XYLT1: variants seen among roughly 807,000 people sequenced by gnomAD.
XYLT1 encodes the protein xylosyltransferase 1.
Under a neutral mutation model 91.3 loss-of-function variants are expected in XYLT1, and 36 were observed. That is an observed-to-expected ratio of 0.39 (90% CI 0.30 to 0.52). The LOEUF (loss-of-function observed/expected upper bound fraction) is 0.52. XYLT1 is among the 20% of genes least tolerant of loss of function. The pLI, the probability that XYLT1 is intolerant of heterozygous loss-of-function variation, is 0.68. For synonymous variants in XYLT1, 588 were observed against 532.0 expected, an observed-to-expected ratio of 1.11 and a Z score of -1.45; for missense variants, 1,242 against 1,284.5, an observed-to-expected ratio of 0.97 and a Z score of 0.51.
chr16:17,124,346 T>C (rs1378137243), intron 10 of XYLT1, among the ~76,000 whole-genome samples: 1 of 152,210 alleles, frequency 6.6e-6, no homozygotes, highest in East Asian at 1.9e-4. Context: ...TTAGCATTTT[T>C]CTGAAAAAAC....
At chr16:17,271,385 GAC>G (rs1054833951) in intron 2 of XYLT1, among the ~76,000 whole-genome samples, 19 of 151,930 alleles carry the variant, frequency 1.3e-4, no homozygotes, top group African/African-American at 4.1e-4. Flanking sequence ...CAAAGAGAGA[GAC>G]ACAGAGAGAA....
chr16:17,277,579 G>T (rs1368653647), intron 2 of XYLT1, among the ~76,000 whole-genome samples: 1 of 151,958 alleles, frequency 6.6e-6, no homozygotes, highest in Admixed American at 6.6e-5. Flanking sequence ...TAGTAGAGAC[G>T]GGGTTTCACC....
intron 6 of XYLT1, among the ~76,000 whole-genome samples, chr16:17,142,837 T>C (rs907054588): frequency 6.6e-6 from 1 of 152,170 alleles, no homozygotes; most frequent in African/African-American, 2.4e-5. Flanking sequence ...TGATTCCTAC[T>C]GGTGACCGAG....
intron 6 of XYLT1, among the ~76,000 whole-genome samples, chr16:17,144,502 G>C (rs570560630): frequency 5.9e-5 from 9 of 152,326 alleles, no homozygotes; most frequent in African/African-American, 2.2e-4. Flanking sequence ...GGTGGTCAGG[G>C]ATGGCGTCAT....
At chr16:17,374,834 C>A (rs1003438439) in intron 1 of XYLT1, among the ~76,000 whole-genome samples, 1 of 152,152 alleles carries the variant, frequency 6.6e-6, no homozygotes, top group Non-Finnish European at 1.5e-5. Context: ...CCCCCCACCA[C>A]CTCCCACACA....
At chr16:17,136,929 G>GTGATGAAGA (rs1328446386) in intron 8 of XYLT1, among the ~76,000 whole-genome samples, 35 of 152,144 alleles carry the variant, frequency 2.3e-4, no homozygotes, top group Non-Finnish European at 4.4e-4. Context: ...TGTGCTCTAA[G>GTGATGAAGA]TGATGAAGAT....
intron 2 of XYLT1, among the ~76,000 whole-genome samples, chr16:17,296,462 C>T (rs1412237366): frequency 2.6e-5 from 4 of 152,132 alleles, no homozygotes; most frequent in East Asian, 1.9e-4. Context: ...GCAGAGGACC[C>T]GATTCCCTGT....
chr16:17,407,066 AT>A (rs1328818172), intron 1 of XYLT1, among the ~76,000 whole-genome samples: 4 of 152,128 alleles, frequency 2.6e-5, no homozygotes, highest in African/African-American at 4.8e-5. Context: ...CAGTGACGCA[AT>A]CTCGGCTCAC....
chr16:17,195,867 C>T lies in XYLT1; in HGVS notation c.1289+2345G>A, dbSNP rs894513705. On this transcript the variant is annotated intron_variant, in intron 5 of 11. Coordinates refer to ENST00000261381, the MANE Select transcript of XYLT1 (RefSeq NM_022166.4). Reference sequence around the variant, plus strand: ...AGCAGAGGAGAAGTACAGGAAGCTGCATCACTTTTGTTCACAAAATGCACT... The same window carrying T: ...AGCAGAGGAGAAGTACAGGAAGCTGTATCACTTTTGTTCACAAAATGCACT... 2.6e-5 allele frequency among the ~76,000 whole-genome samples: 4 copies of T among 152,240 alleles called. No homozygotes were observed. In the South Asian group the frequency reaches 8.3e-4, roughly 32 times the overall value.
chr16:17,208,613 T>C (rs1272354540), intron 3 of XYLT1, among the ~76,000 whole-genome samples: 1 of 152,238 alleles, frequency 6.6e-6, no homozygotes, highest in African/African-American at 2.4e-5. Flanking sequence ...CATTTATGTA[T>C]AGAATTTTCC....
In XYLT1 at chr16:17,200,524, G is replaced by A. The variant is rs372015293; in HGVS notation, c.1044C>T (p.Ala348=). The A allele has an allele frequency of 1.2e-4, 191 of 1,614,148 alleles. No homozygotes were observed. The highest frequency in any genetic ancestry group is 8.3e-4 in the Middle Eastern group (5 of 6,060). Residue 348 remains alanine, a synonymous_variant, in exon 4 of 12, where the codon GCC becomes GCT. Coordinates refer to ENST00000261381, the MANE Select transcript of XYLT1 (RefSeq NM_022166.4). The part of the protein sequence containing the change: ...ASRQLQRMFK[A]IYHKDHFYYI... ...AGTAGAAGTGGTCTTTGTGGTAGAT[G>A]GCCTTGAACATGCGCTGCAACTGCC...
intron 2 of XYLT1, among the ~76,000 whole-genome samples, chr16:17,293,895 G>A (rs927970755): frequency 6.6e-6 from 1 of 152,188 alleles, no homozygotes; most frequent in African/African-American, 2.4e-5. Context: ...TTGGGGAAAT[G>A]CATCTAAACA....
At chr16:17,206,764 A>G (rs1249957122) in intron 3 of XYLT1, among the ~76,000 whole-genome samples, 2 of 152,022 alleles carry the variant, frequency 1.3e-5, no homozygotes, top group Admixed American at 6.6e-5. Context: ...AAATAAACAA[A>G]CACTCATTAT....
At chr16:17,126,585 AAG>A (rs1315076313) in intron 10 of XYLT1, among the ~76,000 whole-genome samples, 1 of 152,194 alleles carries the variant, frequency 6.6e-6, no homozygotes, top group African/African-American at 2.4e-5. Flanking sequence ...AGGAAAATAT[AAG>A]AGGGTGGGAC....
intron 9 of XYLT1, 25 bp from the exon 10 acceptor site, chr16:17,127,886 T>G (rs2030319598): frequency 6.2e-7 from 1 of 1,607,870 alleles, no homozygotes; most frequent in East Asian, 2.2e-5. Context: ...GCTCATGCAT[T>G]AGGGCCCAAG....
chr16:17,390,406 A>G (rs542024319), intron 1 of XYLT1, among the ~76,000 whole-genome samples: 90 of 152,342 alleles, frequency 5.9e-4, no homozygotes, highest in African/African-American at 2.0e-3. Flanking sequence ...CCTAGTGTAC[A>G]AGCCAAGCAT....
At chr16:17,226,426 G>C (rs1385955627) in intron 3 of XYLT1, among the ~76,000 whole-genome samples, 1 of 152,216 alleles carries the variant, frequency 6.6e-6, no homozygotes, top group Non-Finnish European at 1.5e-5. Context: ...GCATTGTGCA[G>C]TGCCCAGGAG....
intron 2 of XYLT1, among the ~76,000 whole-genome samples, chr16:17,290,039 T>C (rs1427253739): frequency 6.6e-6 from 1 of 152,260 alleles, no homozygotes; most frequent in Non-Finnish European, 1.5e-5. Context: ...ATCTCTTTCT[T>C]GTTCTTTTTG....
chr16:17,317,629 C>CAAAAA (rs35666149), intron 2 of XYLT1, among the ~76,000 whole-genome samples: 1 of 57,990 alleles, frequency 1.7e-5, no homozygotes, highest in Non-Finnish European at 3.0e-5. Context: ...GACGCTGTCT[C>CAAAAA]AAAAAAAAAA....
Sources: gnomAD v4.1 joint callset for allele counts (sites outside exome capture counted in the v4.1 genomes callset) on GRCh38, gnomAD v4.1.1 for gene constraint, MANE v1.5 for transcripts, NCBI Gene and HGNC (gene_info 2026-07-23, HGNC 2026-07-21) for gene names.